Variants in CSMD1 observed in about 807,000 individuals in gnomAD.
CSMD1 encodes the protein CUB and sushi domain-containing protein 1.
Under a neutral mutation model 417.5 loss-of-function variants are expected in CSMD1, and 213 were observed. That is an observed-to-expected ratio of 0.51 (90% CI 0.46 to 0.57). The LOEUF is 0.57. CSMD1 is among the 20% of genes least tolerant of loss of function. CSMD1 has a pLI of 0.00. For synonymous variants in CSMD1, 2,862 were observed against 1,736.8 expected (o/e 1.65, Z -16.11); for missense variants, 6,923 against 4,529.7 (o/e 1.53, Z -15.17).
intron 2 of CSMD1, among the ~76,000 whole-genome samples, chr8:4,612,150 C>T (rs1245452687): frequency 2.6e-5 from 4 of 152,120 alleles, no homozygotes; most frequent in Non-Finnish European, 2.9e-5. Context: ...GAGACCTGAT[C>T]GGAGACGGTC....
At chr8:4,207,497 T>A (rs929649271) in intron 3 of CSMD1, among the ~76,000 whole-genome samples, 1 of 152,186 alleles carries the variant, frequency 6.6e-6, no homozygotes, top group Non-Finnish European at 1.5e-5. Context: ...TCTTATTCAT[T>A]TAAAATTAAT....
chr8:4,910,100 CTTAA>C (rs528409716), intron 1 of CSMD1, among the ~76,000 whole-genome samples: 128 of 152,312 alleles, frequency 8.4e-4, no homozygotes, highest in African/African-American at 2.9e-3. Context: ...AGGACTGAAT[CTTAA>C]TTATTGTCTA....
At chr8:3,135,646 T>C (rs1384157668) in intron 41 of CSMD1, among the ~76,000 whole-genome samples, 2 of 150,418 alleles carry the variant, frequency 1.3e-5, no homozygotes, top group East Asian at 1.9e-4. Flanking sequence ...GCTGATCACA[T>C]TTCTGACTCT....
chr8:4,217,622 A>C (rs1367110126), intron 3 of CSMD1, among the ~76,000 whole-genome samples: 1 of 151,798 alleles, frequency 6.6e-6, no homozygotes, highest in Non-Finnish European at 1.5e-5. Context: ...ATCTTTTGAG[A>C]AACTGTTGAA....
At chr8:3,346,097 T>A (rs556399055) in intron 22 of CSMD1, among the ~76,000 whole-genome samples, 1 of 152,208 alleles carries the variant, frequency 6.6e-6, no homozygotes, top group Non-Finnish European at 1.5e-5. Flanking sequence ...CTATAAACAT[T>A]TTTAACAGAG....
At chr8:4,218,232 C>A (rs1004714671) in intron 3 of CSMD1, among the ~76,000 whole-genome samples, 9 of 152,110 alleles carry the variant, frequency 5.9e-5, no homozygotes, top group Non-Finnish European at 1.0e-4. Flanking sequence ...TTATGAGTAT[C>A]CCAGGGATGT....
At chr8:4,343,508 C>T (rs969864866) in intron 3 of CSMD1, among the ~76,000 whole-genome samples, 1 of 152,036 alleles carries the variant, frequency 6.6e-6, no homozygotes, top group Non-Finnish European at 1.5e-5. Flanking sequence ...ATTCACAATG[C>T]ATATCAAATA....
intron 14 of CSMD1, among the ~76,000 whole-genome samples, chr8:3,407,205 T>C (rs1293612640): frequency 1.3e-5 from 2 of 148,412 alleles, no homozygotes; most frequent in Non-Finnish European, 3.0e-5. Context: ...AATGGATGGA[T>C]GGGTGAAATA....
chr8:4,986,900 C>G (rs1811207331), intron 1 of CSMD1, among the ~76,000 whole-genome samples: 1 of 152,042 alleles, frequency 6.6e-6, no homozygotes, highest in South Asian at 2.1e-4. Flanking sequence ...ATTTTGATCA[C>G]TTTTATTGAA....
At chr8:3,657,073 G>A (rs1042983128) in intron 7 of CSMD1, among the ~76,000 whole-genome samples, 24 of 152,094 alleles carry the variant, frequency 1.6e-4, no homozygotes, top group Admixed American at 9.2e-4. Context: ...TTCTTCTGGA[G>A]AGAGTCCACT....
intron 5 of CSMD1, among the ~76,000 whole-genome samples, chr8:3,950,541 G>C (rs981302804): frequency 2.0e-5 from 3 of 152,226 alleles, no homozygotes; most frequent in African/African-American, 7.2e-5. Context: ...CAGCATGACA[G>C]AGCCTCAATA....
chr8:3,293,106 G>A (rs975475628), intron 25 of CSMD1, among the ~76,000 whole-genome samples: 6 of 151,454 alleles, frequency 4.0e-5, no homozygotes, highest in Admixed American at 2.0e-4. Context: ...GGCTGGATAT[G>A]AAATTCTGGG....
intron 1 of CSMD1, among the ~76,000 whole-genome samples, chr8:4,955,618 G>T (rs1367175253): frequency 6.6e-6 from 1 of 151,988 alleles, no homozygotes; most frequent in Non-Finnish European, 1.5e-5. Context: ...ACTACACCCG[G>T]CTAATTTTTG....
At chr8:3,308,261 G>C in intron 24 of CSMD1, 51 bp downstream of exon 24, 1 of 1,409,652 alleles carries the variant, frequency 7.1e-7, no homozygotes, top group South Asian at 1.4e-5. Flanking sequence ...CATGGTGCAA[G>C]CACCCTAAGG....
chr8:3,680,986 C>G (rs970980349), intron 7 of CSMD1, among the ~76,000 whole-genome samples: 5 of 152,196 alleles, frequency 3.3e-5, no homozygotes, highest in African/African-American at 7.2e-5. Flanking sequence ...CAAAATTCAA[C>G]AGCCCTTCAT....
At chr8:3,411,518 C>T (rs1812698673) in intron 12 of CSMD1, among the ~76,000 whole-genome samples, 1 of 151,598 alleles carries the variant, frequency 6.6e-6, no homozygotes, top group Non-Finnish European at 1.5e-5. Context: ...AGCTTAGCTC[C>T]CACTTATGAG....
At chr8:4,794,894 AG>A (rs1224515827) in intron 1 of CSMD1, among the ~76,000 whole-genome samples, 1 of 152,172 alleles carries the variant, frequency 6.6e-6, no homozygotes, top group Non-Finnish European at 1.5e-5. Flanking sequence ...GCAGGTGGCA[AG>A]AAATTAAATC....
At position 4,371,115 on chromosome 8, in the gene CSMD1, T is replaced by C. The variant is rs549665063; in HGVS notation, c.415+48838A>G. ...GGGCATTTTGTTTTTATGGTCTTTA[T>C]TGCCCTTGAGAGTTTCACAGTAGAA... On this transcript the variant is annotated intron_variant, in intron 3 of 69. Coordinates refer to ENST00000635120, the MANE Select transcript of CSMD1 (RefSeq NM_033225.6). Among the ~76,000 whole-genome samples, 8 of 152,306 alleles carry C rather than the reference T, an allele frequency of 5.3e-5. No individual in the cohort carries two copies. The East Asian group carries it at 7.7e-4, about 15-fold the overall frequency.
chr8:4,250,164 C>T (rs1802965864), intron 3 of CSMD1, among the ~76,000 whole-genome samples: 1 of 152,170 alleles, frequency 6.6e-6, no homozygotes, highest in African/African-American at 2.4e-5. Flanking sequence ...GCCTCTAGAA[C>T]TGTGAACCAA....
Sources: gnomAD v4.1 joint callset for allele counts (sites outside exome capture counted in the v4.1 genomes callset) on GRCh38, gnomAD v4.1.1 for gene constraint, MANE v1.5 for transcripts, NCBI Gene and HGNC (gene_info 2026-07-23, HGNC 2026-07-21) for gene names.